ACOX3: variants seen among roughly 807,000 people sequenced by gnomAD.
The protein encoded by ACOX3 is acyl-CoA oxidase 3, pristanoyl, also known as peroxisomal acyl-coenzyme A oxidase 3.
In ACOX3, 73 loss-of-function variants were observed where a neutral mutation model predicts 81.5. The observed-to-expected ratio is 0.90, with a 90% CI of 0.74 to 1.09. ACOX3 has a LOEUF of 1.09. Among genes scored for constraint, ACOX3 ranks in the 50% least tolerant of loss-of-function variants. The probability of loss-of-function intolerance (pLI) is 0.00; values close to 1 mark genes in which losing one functional copy is unlikely to be tolerated. For synonymous variants in ACOX3, 387 were observed against 375.1 expected (o/e 1.03, Z -0.37); for missense variants, 947 against 928.0 (o/e 1.02, Z -0.27).
At chr4:8,429,411 G>C (rs1368954126) in intron 1 of ACOX3, among the ~76,000 whole-genome samples, 1 of 152,244 alleles carries the variant, frequency 6.6e-6, no homozygotes, top group Non-Finnish European at 1.5e-5. Context: ...TTACAGGAAA[G>C]TAAACAGTTC....
chr4:8,397,028 G>A lies in ACOX3; in HGVS notation c.965C>T (p.Ala322Val). 1 of 1,611,552 alleles carries A rather than the reference G, an allele frequency of 6.2e-7. No homozygotes were observed. The highest frequency in any genetic ancestry group is 8.5e-7 in the Non-Finnish European group (1 of 1,178,978). Residue 322 changes from alanine to valine, a missense_variant, in exon 9 of 18, where the codon GCC becomes GTC. Ala to Val is a moderately conservative substitution (Grantham distance 64). Coordinates refer to ENST00000356406, the MANE Select transcript of ACOX3 (RefSeq NM_003501.3). ...TGAGAAGCGAAGAGCGATGGCCACGGCCAGCTTTAGGTTAAGGATGGCCAG... is the reference window on the plus strand; with the variant it reads ...TGAGAAGCGAAGAGCGATGGCCACGACCAGCTTTAGGTTAAGGATGGCCAG... ...VSLAILNLKLAVAIALRFSAT... is the reference protein window; with the variant it reads ...VSLAILNLKLVVAIALRFSAT...
Position 8,415,939 on chromosome 4 carries a change from G to T in ACOX3, c.205C>A (p.Leu69Met). 6.2e-7 allele frequency: 1 copy of T among 1,614,240 alleles called. No homozygotes were observed. Among genetic ancestry groups the T allele is most frequent in the Non-Finnish European group, 8.5e-7 (1 of 1,180,044 alleles). The change falls in exon 3 of 18, where the codon CTG (leucine) becomes ATG (methionine). Residue 69 changes from leucine (L) to methionine (M), a missense_variant. Transcript: ENST00000356406. ...AGCTCGCGATACTTCTCCAAGGACA[G>T]ATCGGCTCCAGGGGAACGAGCGAAA... Reference protein sequence around the residue: ...PLFARSPGADLSLEKYRELNF... With the variant: ...PLFARSPGADMSLEKYRELNF...
Position 8,378,285 on chromosome 4 carries a change from G to A in ACOX3, c.1654-3133C>T, listed in dbSNP as rs574531403. On this transcript the variant is annotated intron_variant, in intron 14 of 17. Coordinates refer to ENST00000356406, the MANE Select transcript of ACOX3 (RefSeq NM_003501.3). ...CTGGCCCGGGTGCAATCCTGGCCCCGGCACGGGCGAGCTGGGGGACCTTGG... is the reference window on the plus strand; with the variant it reads ...CTGGCCCGGGTGCAATCCTGGCCCCAGCACGGGCGAGCTGGGGGACCTTGG... Among the ~76,000 whole-genome samples the A allele has an allele frequency of 7.9e-5, 12 of 152,354 alleles. 1 individual carries two copies. Among genetic ancestry groups the A allele is most frequent in the South Asian group, 6.2e-4 (3 of 4,834 alleles).
chr4:8,364,665 C>G (rs140850789), downstream of ACOX3, among the ~76,000 whole-genome samples: 1 of 152,242 alleles, frequency 6.6e-6, no homozygotes, highest in African/African-American at 2.4e-5. The surrounding 1 kb of genome is among the most constrained non-coding windows in gnomAD (Gnocchi z 5.0). Context: ...CATGAGAACC[C>G]GTCATATATG....
At chr4:8,418,964 C>T (rs1308541947) in intron 1 of ACOX3, among the ~76,000 whole-genome samples, 1 of 151,570 alleles carries the variant, frequency 6.6e-6, no homozygotes, top group Non-Finnish European at 1.5e-5. Context: ...CAATGAGAGA[C>T]CACTTCACAT....
At chr4:8,438,578 A>G (rs1724385820) in intron 1 of ACOX3, among the ~76,000 whole-genome samples, 1 of 152,238 alleles carries the variant, frequency 6.6e-6, no homozygotes, top group African/African-American at 2.4e-5. Flanking sequence ...AATTAACCTT[A>G]AGAAAGCAAA....
At chr4:8,396,404 C>T (rs1719692915) in intron 9 of ACOX3, among the ~76,000 whole-genome samples, 1 of 152,194 alleles carries the variant, frequency 6.6e-6, no homozygotes, top group Non-Finnish European at 1.5e-5. Context: ...TGGCCGGGCA[C>T]AGTGACTCAT....
At chr4:8,412,663 G>A (rs1721852402) in intron 5 of ACOX3, among the ~76,000 whole-genome samples, 1 of 152,150 alleles carries the variant, frequency 6.6e-6, no homozygotes, top group African/African-American at 2.4e-5. Context: ...CACTGCCAAT[G>A]GGGGAGGGTG....
At chr4:8,418,147 T>G (rs957315439) in intron 1 of ACOX3, among the ~76,000 whole-genome samples, 4 of 152,200 alleles carry the variant, frequency 2.6e-5, no homozygotes, top group Admixed American at 6.5e-5. Flanking sequence ...GAAGAGAAGA[T>G]AATACTTCCC....
rs1434120478 is a variant in ACOX3 at position 8,414,275 on chromosome 4, G to C, written c.543+17C>G. 3 of 1,606,438 alleles carry C rather than the reference G, an allele frequency of 1.9e-6. No homozygotes were observed. Among genetic ancestry groups the C allele is most frequent in the Non-Finnish European group, 2.6e-6 (3 of 1,173,034 alleles). Reference sequence around the variant, plus strand: ...ATATGCTCCAAACTCAGGGACCCGGGGGAAGGTAATACCTACCTCAGTGGC... The same window carrying C: ...ATATGCTCCAAACTCAGGGACCCGGCGGAAGGTAATACCTACCTCAGTGGC... On this transcript the variant is annotated intron_variant, in intron 5 of 17. Coordinates refer to ENST00000356406, the MANE Select transcript of ACOX3 (RefSeq NM_003501.3). The surrounding 1 kb of genome is among the most constrained non-coding windows in gnomAD (Gnocchi z 6.1).
At position 8,416,699 on chromosome 4, in the gene ACOX3, C is replaced by T. The variant is rs1428839799; in HGVS notation, c.-14-164G>A. 6.6e-6 allele frequency among the ~76,000 whole-genome samples: 1 copy of T among 152,242 alleles called. No homozygotes were observed. Among genetic ancestry groups the T allele is most frequent in the East Asian group, 1.9e-4 (1 of 5,208 alleles). On this transcript the variant is annotated intron_variant, in intron 1 of 17. Transcript: ENST00000356406. This position sits in a 1 kb window ranked among gnomAD's most constrained non-coding sequence, Gnocchi z 4.2. Reference sequence around the variant, plus strand: ...CTCTGTGAATGGCTAGCATCATTTTCCCAGAAGAAAAGGCGAGAAGAATTC... The same window carrying T: ...CTCTGTGAATGGCTAGCATCATTTTTCCAGAAGAAAAGGCGAGAAGAATTC...
Position 8,389,593 on chromosome 4 carries a change from G to A in ACOX3, c.1423+19C>T. 3 of 1,613,386 alleles carry A rather than the reference G, an allele frequency of 1.9e-6. No individual in the cohort carries two copies. The highest frequency in any genetic ancestry group is 2.5e-6 in the Non-Finnish European group (3 of 1,179,942). On this transcript the variant is annotated intron_variant, in intron 12 of 17. Transcript: ENST00000356406. The surrounding 1 kb of genome is among the most constrained non-coding windows in gnomAD (Gnocchi z 5.3). ...CAGTTGGGTTCCAGCGCCCCCACCA[G>A]TGTGCAGCAGAGCCTCACCGTGGAC...
At chr4:8,435,101 C>T (rs935980813) in intron 1 of ACOX3, among the ~76,000 whole-genome samples, 2 of 152,190 alleles carry the variant, frequency 1.3e-5, no homozygotes, top group Non-Finnish European at 2.9e-5. Flanking sequence ...TCAAAACTTA[C>T]TCTATTAAAA....
intron 17 of ACOX3, among the ~76,000 whole-genome samples, chr4:8,369,074 T>C (rs1190871063): frequency 6.6e-6 from 1 of 152,160 alleles, no homozygotes; most frequent in Non-Finnish European, 1.5e-5. Context: ...CCCTCCATCA[T>C]GGGCAAGGTC....
intron 11 of ACOX3, among the ~76,000 whole-genome samples, chr4:8,391,273 G>A (rs1475301521): frequency 6.6e-6 from 1 of 152,232 alleles, no homozygotes; most frequent in Non-Finnish European, 1.5e-5. Flanking sequence ...GACAGATTGT[G>A]GTGGGAGTGA....
chr4:8,381,935 G>C lies in ACOX3; in HGVS notation c.1538-328C>G, dbSNP rs964700560. 5.3e-5 allele frequency among the ~76,000 whole-genome samples: 8 copies of C among 152,232 alleles called. No individual in the cohort carries two copies. Among genetic ancestry groups the C allele is most frequent in the African/African-American group, 7.2e-5 (3 of 41,472 alleles). On this transcript the variant is annotated intron_variant, in intron 13 of 17. Transcript: ENST00000356406. This position sits in a 1 kb window ranked among gnomAD's most constrained non-coding sequence, Gnocchi z 4.3. ...CCGAGTGGGACGGCTGCACGTTCTC[G>C]CACGCACCAGGCTCGGTCTGTGTGA...
intron 15 of ACOX3, 163 bp downstream of exon 15, chr4:8,374,815 G>T: frequency 1.3e-6 from 1 of 755,082 alleles, no homozygotes; most frequent in Non-Finnish European, 2.0e-6. Context: ...TGCCCCATAT[G>T]CTTCTCATTA....
chr4:8,357,239 A>G, the ACOX3 span: 1 of 456,762 alleles, frequency 2.2e-6, no homozygotes, highest in South Asian at 1.5e-5. Flanking sequence ...CCAGCAGCTG[A>G]GAGAAAAGTG....
At position 8,400,286 on chromosome 4, in the gene ACOX3, AAG is replaced by A. The variant is rs1720233064; in HGVS notation, c.777-636_777-635del. ...ATAATAATAATAATAATAATAATAAAAGCATTGTGTATATGGTAAGTTGTACT... is the reference window on the plus strand; with the variant it reads ...ATAATAATAATAATAATAATAATAAACATTGTGTATATGGTAAGTTGTACT... On this transcript the variant is annotated intron_variant, in intron 7 of 17. Coordinates refer to ENST00000356406, the MANE Select transcript of ACOX3 (RefSeq NM_003501.3). This position sits in a 1 kb window ranked among gnomAD's most constrained non-coding sequence, Gnocchi z 4.4. Among the ~76,000 whole-genome samples the A allele has an allele frequency of 2.2e-5, 3 of 135,356 alleles. No individual in the cohort carries two copies. Among genetic ancestry groups the A allele is most frequent in the Non-Finnish European group, 3.2e-5 (2 of 63,482 alleles). 88.8% of individuals were successfully genotyped at this position (135,356 alleles called of 152,430 possible).
Sources: allele counts gnomAD v4.1 joint callset (sites outside exome capture counted in the v4.1 genomes callset), GRCh38; gene constraint gnomAD v4.1.1; non-coding constraint Gnocchi (gnomAD v3.1); transcripts MANE v1.5; gene names NCBI Gene and HGNC (gene_info 2026-07-23, HGNC 2026-07-21).